The following PPOX variants were observed in gnomAD, a reference collection of about 807,000 sequenced individuals.
PPOX encodes protoporphyrinogen oxidase.
PPOX carries 23 observed loss-of-function variants against 54.1 expected under a neutral mutation model. That is an observed-to-expected ratio of 0.43 (90% CI 0.31 to 0.60). The LOEUF (loss-of-function observed/expected upper bound fraction) is 0.60, where lower values mean the gene tolerates loss of function less well. PPOX is among the 20% of genes least tolerant of loss of function. The pLI is 0.13. For missense variants in PPOX, 512 were observed against 601.1 expected (o/e 0.85, Z 1.55); for synonymous variants, 224 against 236.1 (o/e 0.95, Z 0.47).
intron 4 of PPOX, chr1:161,176,746 A>G (rs766651829): frequency 4.5e-4 from 402 of 891,392 alleles, no homozygotes; most frequent in Middle Eastern, 8.9e-4. Flanking sequence ...CCCTGGAATG[A>G]TAAGTGTCAG....
chr1:161,173,391 C>G (rs1420603622), downstream of PPOX, among the ~76,000 whole-genome samples: 2 of 152,160 alleles, frequency 1.3e-5, no homozygotes, highest in African/African-American at 4.8e-5. Flanking sequence ...TGTCCTCTCC[C>G]AAGAACAAAC....
At chr1:161,171,798 G>T, downstream of PPOX, 2 of 1,613,164 alleles carry the variant, frequency 1.2e-6, 1 homozygote, top group South Asian at 2.2e-5. Context: ...CATGATTAAG[G>T]TAGACAGGAA....
Position 161,166,670 on chromosome 1 carries a change from T to C in PPOX, c.-11T>C. 1 of 1,499,046 alleles carries C rather than the reference T, an allele frequency of 6.7e-7. No individual in the cohort carries two copies. Among genetic ancestry groups the C allele is most frequent in the Non-Finnish European group, 8.9e-7 (1 of 1,127,706 alleles). The allele number at this position is 1,499,046 out of a possible 1,614,324, so 92.9% of individuals were successfully genotyped here. A position where few individuals can be genotyped will look rare whatever the true frequency, so the allele number is the denominator to read the frequency against. On this transcript the variant is annotated splice_region_variant and 5_prime_UTR_variant, in exon 1 of 13. Transcript: ENST00000367999. ...CATTTTCTCTCATCCCTACCTATTG[T>C]GGGTGAGTCCTGGCCCCTGGACGGG...
downstream of PPOX, chr1:161,175,358 C>T: frequency 1.2e-6 from 1 of 806,380 alleles, no homozygotes; most frequent in Non-Finnish European, 2.0e-6. Flanking sequence ...ACTCAGAAAT[C>T]TCGCATGCCT....
chr1:161,175,569 G>A (rs1663180818), downstream of PPOX, among the ~76,000 whole-genome samples: 1 of 152,194 alleles, frequency 6.6e-6, no homozygotes, highest in African/African-American at 2.4e-5. Context: ...GGGGCAGGAA[G>A]AGCCCATAAA....
chr1:161,171,408 A>C, downstream of PPOX: 2 of 708,138 alleles, frequency 2.8e-6, no homozygotes, highest in Non-Finnish European at 4.6e-6. Flanking sequence ...GAAAATGCCC[A>C]GGGAGGGGCT....
downstream of PPOX, among the ~76,000 whole-genome samples, chr1:161,172,562 T>G (rs904165549): frequency 4.6e-5 from 7 of 152,286 alleles, no homozygotes; most frequent in Non-Finnish European, 7.4e-5. Flanking sequence ...TTTAAACAGT[T>G]GGCAACCTAT....
In PPOX at chr1:161,168,482, C is replaced by T. The variant is rs886045454; in HGVS notation, c.522C>T (p.Asn174=). The change falls in exon 6 of 13, where the codon AAC becomes AAT. Residue 174 remains asparagine, a synonymous_variant. Coordinates refer to ENST00000367999, the MANE Select transcript of PPOX (RefSeq NM_001122764.3). The stretch of plus-strand genomic sequence containing the variant: ...TCTGCCGTGGAGTGTTTGCAGGCAA[C>T]AGCCGTGAGCTCAGCATCAGGTCCT... ...DSLCRGVFAG[N]SRELSIRSCF... 2 of 1,614,160 alleles carry T rather than the reference C, an allele frequency of 1.2e-6. No homozygotes were observed. Among genetic ancestry groups the T allele is most frequent in the Non-Finnish European group, 1.7e-6 (2 of 1,180,034 alleles).
chr1:161,166,320 T>G (rs1313053547), upstream of PPOX: 3 of 1,027,858 alleles, frequency 2.9e-6, no homozygotes, highest in African/African-American at 5.1e-5. Flanking sequence ...TCGCTCCGCC[T>G]CTGCCAGTTC....
upstream of PPOX, chr1:161,166,297 C>T: frequency 2.9e-6 from 3 of 1,022,520 alleles, no homozygotes; most frequent in East Asian, 8.4e-5. Flanking sequence ...ACCTCCAGCT[C>T]TTACAGCTGC....
downstream of PPOX, among the ~76,000 whole-genome samples, chr1:161,175,483 A>G (rs1268610317): frequency 6.6e-6 from 1 of 152,104 alleles, no homozygotes; most frequent in African/African-American, 2.4e-5. Context: ...CAGGGTTGGA[A>G]GCTATAGTTG....
Position 161,171,182 on chromosome 1 carries a change from A to G in PPOX, c.*6A>G. ...GCACAGAACCTAACAGCTGATCCCC[A>G]ACTCTCATTCATGAAAATAAAAATT... On this transcript the variant is annotated 3_prime_UTR_variant, in exon 13 of 13. Coordinates refer to ENST00000367999, the MANE Select transcript of PPOX (RefSeq NM_001122764.3). 6.2e-7 allele frequency: 1 copy of G among 1,613,166 alleles called. No homozygotes were observed. Among genetic ancestry groups the G allele is most frequent in the South Asian group, 1.1e-5 (1 of 91,038 alleles).
downstream of PPOX, chr1:161,177,468 A>T: frequency 5.8e-6 from 1 of 172,426 alleles, no homozygotes; most frequent in Non-Finnish European, 1.3e-5. Flanking sequence ...ACAGCCGGGC[A>T]GGCATCGCTG....
At chr1:161,171,419 T>C (rs1332226887), downstream of PPOX, 2 of 668,206 alleles carry the variant, frequency 3.0e-6, no homozygotes, top group African/African-American at 1.8e-5. Context: ...GGGAGGGGCT[T>C]CCTTCACCAA....
downstream of PPOX, among the ~76,000 whole-genome samples, chr1:161,174,330 C>T (rs1662647330): frequency 6.6e-6 from 1 of 151,682 alleles, no homozygotes; most frequent in South Asian, 2.1e-4. Flanking sequence ...TGGCGTAAAA[C>T]CCGGGAGGTG....
rs983932918 is a variant in PPOX, at chr1:161,166,613, T to G, written c.-68T>G. On this transcript the variant is annotated 5_prime_UTR_variant, in exon 1 of 13. Transcript: ENST00000367999. ...TGCACCCAGCAGAGCGCCGGCGGGG[T>G]ACGGTCTTAGGACCTCGATCTCCTT... is the stretch of plus-strand genomic sequence containing the variant. 6.9e-7 allele frequency: 1 copy of G among 1,439,376 alleles called. No individual in the cohort carries two copies. 89.2% of individuals were successfully genotyped at this position (1,439,376 alleles called of 1,614,324 possible).
Position 161,170,390 on chromosome 1 carries a change from T to A in PPOX, c.988-19T>A. 15 of 1,391,626 alleles carry A rather than the reference T, an allele frequency of 1.1e-5. No individual in the cohort carries two copies. The highest frequency in any genetic ancestry group is 1.4e-5 in the Non-Finnish European group (15 of 1,038,870). 86.2% of individuals were successfully genotyped at this position (1,391,626 alleles called of 1,614,324 possible). A position where few individuals can be genotyped will look rare whatever the true frequency, so the allele number is the denominator to read the frequency against. On this transcript the variant is annotated intron_variant, in intron 9 of 12. Coordinates refer to ENST00000367999, the MANE Select transcript of PPOX (RefSeq NM_001122764.3). ...GCTAGAGCCCTTTCCTTCTGACGCA[T>A]GAATGTCCTTCTCTCCAGGGATTTG...
chr1:161,177,650 C>G (rs1286451041), downstream of PPOX: 2 of 156,718 alleles, frequency 1.3e-5, no homozygotes, highest in Non-Finnish European at 2.8e-5. Context: ...GTAGGCGACC[C>G]CCTGGGGAGC....
At chr1:161,169,404 G>C in intron 7 of PPOX, 1 of 697,708 alleles carries the variant, frequency 1.4e-6, no homozygotes, top group South Asian at 1.8e-5. Context: ...AAGTGGCTTA[G>C]AGATAGGGGA....
Sources: gnomAD v4.1 joint callset for allele counts (sites outside exome capture counted in the v4.1 genomes callset) on GRCh38, gnomAD v4.1.1 for gene constraint, MANE v1.5 for transcripts, NCBI Gene and HGNC (gene_info 2026-07-23, HGNC 2026-07-21) for gene names.